THSD7A: variants seen among roughly 807,000 people sequenced by gnomAD.
THSD7A encodes the protein thrombospondin type 1 domain containing 7A.
THSD7A carries 96 observed loss-of-function variants against 231.3 expected under a neutral mutation model. That is an observed-to-expected ratio of 0.41 (90% CI 0.35 to 0.49). The LOEUF is 0.49. Ranked by LOEUF, THSD7A falls within the 20% of genes least tolerant of loss-of-function variation. The probability of loss-of-function intolerance (pLI) is 0.05; values close to 1 mark genes in which losing one functional copy is unlikely to be tolerated. For missense variants in THSD7A, 2,290 were observed against 2,070.2 expected, an observed-to-expected ratio of 1.11 and a Z score of -2.06; for synonymous variants, 940 against 743.3, an observed-to-expected ratio of 1.26 and a Z score of -4.30.
chr7:11,579,548 T>C (rs1447058354), intron 4 of THSD7A, among the ~76,000 whole-genome samples: 1 of 152,208 alleles, frequency 6.6e-6, no homozygotes, highest in African/African-American at 2.4e-5. Flanking sequence ...TCCACCATCT[T>C]TCTTTCATTA....
rs1782207171 is a variant in THSD7A at position 11,375,016 on chromosome 7, A to C, written c.*778T>G. 1 of 152,066 alleles carries C rather than the reference A, an allele frequency of 6.6e-6. No homozygotes were observed. The highest frequency in any genetic ancestry group is 1.5e-5 in the Non-Finnish European group (1 of 67,980). The allele number at this position is 152,066 out of a possible 1,614,324, so 9.4% of individuals were successfully genotyped here. Reference sequence around the variant, plus strand: ...GCAAAAATGTGCCTTCCATATAGCAAAAAAGATGCAGGCAACCAGTTTGAA... The same window carrying C: ...GCAAAAATGTGCCTTCCATATAGCACAAAAGATGCAGGCAACCAGTTTGAA... On this transcript the variant is annotated 3_prime_UTR_variant, in exon 28 of 28. Transcript: ENST00000423059.
chr7:11,779,470 G>A (rs1165436212), intron 1 of THSD7A, among the ~76,000 whole-genome samples: 2 of 152,060 alleles, frequency 1.3e-5, no homozygotes, highest in African/African-American at 4.8e-5. Context: ...AAGGTCATAG[G>A]ATAAAAACTA....
At chr7:11,521,749 C>T (rs1042355740) in intron 6 of THSD7A, among the ~76,000 whole-genome samples, 7 of 145,176 alleles carry the variant, frequency 4.8e-5, no homozygotes, top group Admixed American at 4.3e-4. Context: ...CTTCAAATGG[C>T]GGACTAGGGG....
Position 11,632,359 on chromosome 7 carries a change from T to C in THSD7A, c.1022+3771A>G, listed in dbSNP as rs17519435. On this transcript the variant is annotated intron_variant, in intron 2 of 27. Coordinates refer to ENST00000423059, the MANE Select transcript of THSD7A (RefSeq NM_015204.3). The surrounding 1 kb of genome is among the most constrained non-coding windows in gnomAD (Gnocchi z 4.1). The stretch of plus-strand genomic sequence containing the variant: ...TTAAGTTTTCCTTTTGCAAATGAGA[T>C]ATTTTAATCTTTTTCCCCATTATAA... Among the ~76,000 whole-genome samples the C allele has an allele frequency of 0.084, 12,716 of 152,212 alleles. 1,474 individuals carry two copies. The highest frequency in any genetic ancestry group is 0.25 in the African/African-American group (10,257 of 41,510).
In THSD7A at chr7:11,449,912, A is replaced by G. The variant is rs112501504; in HGVS notation, c.2606-2488T>C. On this transcript the variant is annotated intron_variant, in intron 11 of 27. Transcript: ENST00000423059. ...GAATGATATATTTGGAAAATAAGAC[A>G]TCTGATCATATGAGAATCGTAAGCT... Among the ~76,000 whole-genome samples the G allele has an allele frequency of 8.6e-3, 1,314 of 152,168 alleles. 20 individuals carry two copies. Among genetic ancestry groups the G allele is most frequent in the African/African-American group, 0.03 (1,255 of 41,532 alleles).
intron 1 of THSD7A, among the ~76,000 whole-genome samples, chr7:11,651,216 GA>G (rs1246238948): frequency 2.0e-5 from 3 of 152,050 alleles, no homozygotes; most frequent in Non-Finnish European, 4.4e-5. Context: ...CCATTTATAT[GA>G]AATACCTAGA....
At chr7:11,438,498 A>G (rs1784701994) in intron 13 of THSD7A, among the ~76,000 whole-genome samples, 1 of 152,052 alleles carries the variant, frequency 6.6e-6, no homozygotes, top group South Asian at 2.1e-4. Flanking sequence ...GCTACTCATT[A>G]ATGTCCAGAA....
intron 11 of THSD7A, among the ~76,000 whole-genome samples, chr7:11,457,498 T>G (rs1448233922): frequency 6.6e-6 from 1 of 152,096 alleles, no homozygotes; most frequent in Admixed American, 6.6e-5. Flanking sequence ...TTCATATTAC[T>G]GTTGTTTCTA....
chr7:11,610,717 T>C (rs1011870038), intron 2 of THSD7A, among the ~76,000 whole-genome samples: 4 of 152,048 alleles, frequency 2.6e-5, no homozygotes, highest in Non-Finnish European at 5.9e-5. Flanking sequence ...AACTCAGAAA[T>C]AGGTCTTAAA....
intron 1 of THSD7A, among the ~76,000 whole-genome samples, chr7:11,782,018 A>G (rs1783646926): frequency 6.6e-6 from 1 of 152,290 alleles, no homozygotes; most frequent in East Asian, 1.9e-4. Context: ...CCCCTAAGTC[A>G]TAATAATAGA....
At chr7:11,478,578 A>T (rs377553761) in intron 7 of THSD7A, among the ~76,000 whole-genome samples, 1 of 152,200 alleles carries the variant, frequency 6.6e-6, no homozygotes, top group Non-Finnish European at 1.5e-5. Context: ...CCTAGCAATA[A>T]AAGGAAGTGA....
chr7:11,693,073 T>G (rs1780283058), intron 1 of THSD7A, among the ~76,000 whole-genome samples: 1 of 151,594 alleles, frequency 6.6e-6, no homozygotes, highest in Non-Finnish European at 1.5e-5. Flanking sequence ...CTGCTTAAAC[T>G]TAAATGAATG....
At position 11,370,994 on chromosome 7, in the gene THSD7A, A is replaced by G. The variant is rs1782031394; in HGVS notation, c.*4800T>C. On this transcript the variant is annotated 3_prime_UTR_variant, in exon 28 of 28. Coordinates refer to ENST00000423059, the MANE Select transcript of THSD7A (RefSeq NM_015204.3). ...ACTATGGCTTAAAAACAATAAATCT[A>G]CAAAACACAACAAGACTGACAATTA... 6.6e-6 allele frequency: 1 copy of G among 152,136 alleles called. No homozygotes were observed. The highest frequency in any genetic ancestry group is 2.1e-4 in the South Asian group (1 of 4,826). 9.4% of individuals were successfully genotyped at this position (152,136 alleles called of 1,614,324 possible).
intron 1 of THSD7A, among the ~76,000 whole-genome samples, chr7:11,810,212 T>C (rs1180482677): frequency 6.6e-6 from 1 of 152,180 alleles, no homozygotes; most frequent in African/African-American, 2.4e-5. Context: ...TACGGTTTCA[T>C]GGGTAGAGAG....
intron 6 of THSD7A, among the ~76,000 whole-genome samples, chr7:11,512,389 G>T (rs1445825055): frequency 6.6e-6 from 1 of 152,086 alleles, no homozygotes; most frequent in Non-Finnish European, 1.5e-5. Context: ...ATTCCTCAAG[G>T]ATCTAGAACT....
intron 1 of THSD7A, among the ~76,000 whole-genome samples, chr7:11,641,154 C>G (rs1412765370): frequency 6.6e-6 from 1 of 152,012 alleles, no homozygotes; most frequent in Non-Finnish European, 1.5e-5. Flanking sequence ...TCATTGAATA[C>G]CAGGAACATC....
At chr7:11,752,337 T>C (rs1341274545) in intron 1 of THSD7A, among the ~76,000 whole-genome samples, 1 of 152,030 alleles carries the variant, frequency 6.6e-6, no homozygotes, top group Non-Finnish European at 1.5e-5. Flanking sequence ...GTACATAAGC[T>C]TGAATATGTT....
intron 1 of THSD7A, among the ~76,000 whole-genome samples, chr7:11,802,979 A>G (rs1784315693): frequency 6.6e-6 from 1 of 152,220 alleles, no homozygotes; most frequent in South Asian, 2.1e-4. Flanking sequence ...ATTAAATAAC[A>G]TCTGTGATCA....
At chr7:11,741,295 A>T (rs1034556216) in intron 1 of THSD7A, among the ~76,000 whole-genome samples, 2 of 151,886 alleles carry the variant, frequency 1.3e-5, no homozygotes, top group Admixed American at 1.3e-4. Flanking sequence ...CTGGCAGGAA[A>T]TTTACTCCGT....
Sources: gnomAD v4.1 joint callset for allele counts (sites outside exome capture counted in the v4.1 genomes callset) on GRCh38, gnomAD v4.1.1 for gene constraint, Gnocchi (gnomAD v3.1) non-coding constraint, MANE v1.5 for transcripts, NCBI Gene and HGNC (gene_info 2026-07-23, HGNC 2026-07-21) for gene names.